UBA1: variants seen among roughly 807,000 people sequenced by gnomAD.
The protein encoded by UBA1 is ubiquitin like modifier activating enzyme 1, also known as ubiquitin-like modifier-activating enzyme 1.
Under a neutral mutation model 84.7 loss-of-function variants are expected in UBA1, and 4 were observed. The observed-to-expected ratio is 0.05, with a 90% CI of 0.02 to 0.11. The LOEUF (loss-of-function observed/expected upper bound fraction) is 0.11, where lower values mean the gene tolerates loss of function less well. Ranked by LOEUF, UBA1 falls within the 10% of genes least tolerant of loss-of-function variation. UBA1 has a pLI of 1.00. For synonymous variants in UBA1, 364 were observed against 362.6 expected, an observed-to-expected ratio of 1.00 and a Z score of -0.04; for missense variants, 513 against 902.8, an observed-to-expected ratio of 0.57 and a Z score of 5.53.
chrX:47,197,257 G>A, intron 1 of UBA1: 1 of 755,049 alleles, frequency 1.3e-6, no homozygotes, highest in African/African-American at 2.3e-5. Context: ...ATGCCTCTGG[G>A]CGAGTGAATG....
At position 47,213,042 on chromosome X, in the gene UBA1, C is replaced by G; in HGVS notation, c.2699C>G (p.Ala900Gly). 2 of 1,212,066 alleles carry G rather than the reference C, an allele frequency of 1.7e-6. No homozygotes were observed. The highest frequency in any genetic ancestry group is 2.2e-6 in the Non-Finnish European group (2 of 895,582). ...CCAGCCATTGCCACGACCACAGCAGCCGTGGTTGGCCTTGTGTGTCTGGAG... is the reference window on the plus strand; with the variant it reads ...CCAGCCATTGCCACGACCACAGCAGGCGTGGTTGGCCTTGTGTGTCTGGAG... Reference protein sequence around the residue: ...IIPAIATTTAAVVGLVCLELY... With the variant: ...IIPAIATTTAGVVGLVCLELY... Residue 900 changes from alanine (A) to glycine (G), a missense_variant, in exon 23 of 26, where the codon GCC becomes GGC. Physicochemically the swap from Ala to Gly is moderately conservative, Grantham distance 60. Around this residue, in one of 6 missense-constraint regions of UBA1, gnomAD observed 151 missense variants for 260.1 expected, o/e 0.58. Coordinates refer to ENST00000335972, the MANE Select transcript of UBA1 (RefSeq NM_003334.4).
Position 47,213,156 on chromosome X carries a change from A to G in UBA1, c.2813A>G (p.Glu938Gly), listed in dbSNP as rs782120956. ...GCCCTGCCTTTCTTTGGTTTCTCTG[A>G]ACCCCTTGCCGCACCACGTCACCAG... ...NLALPFFGFSEPLAAPRHQYY... is the reference protein window; with the variant it reads ...NLALPFFGFSGPLAAPRHQYY... Residue 938 changes from glutamate to glycine, a missense_variant, in exon 23 of 26, where the codon GAA becomes GGA. Coordinates refer to ENST00000335972, the MANE Select transcript of UBA1 (RefSeq NM_003334.4). The G allele has an allele frequency of 2.6e-5, 31 of 1,209,613 alleles. No individual in the cohort carries two copies. The highest frequency in any genetic ancestry group is 2.9e-5 in the Non-Finnish European group (26 of 895,225).
At chrX:47,209,761 A>G (rs1936845522) in intron 17 of UBA1, 74 bp downstream of exon 17, 1 of 1,125,100 alleles carries the variant, frequency 8.9e-7, no homozygotes, top group African/African-American at 1.8e-5. Flanking sequence ...TCCTCATGAC[A>G]GTAACACTTG....
In UBA1 at chrX:47,212,406, GT is replaced by G. The variant is rs1569217279; in HGVS notation, c.2465-17del. 8.6e-7 allele frequency: 1 copy of G among 1,161,271 alleles called. No individual in the cohort carries two copies. The highest frequency in any genetic ancestry group is 1.8e-5 in the South Asian group (1 of 55,631). The stretch of plus-strand genomic sequence containing the variant: ...GCCTGGGATCTAAAGGGCTGACAGT[GT>G]CCCTTTCTTCATGCAGATGACAGTC... On this transcript the variant is annotated splice_polypyrimidine_tract_variant and intron_variant, in intron 20 of 25. Coordinates refer to ENST00000335972, the MANE Select transcript of UBA1 (RefSeq NM_003334.4).
At chrX:47,201,206 A>C (rs1936405106) in intron 6 of UBA1, 70 bp from the exon 7 acceptor site, 11 of 1,001,179 alleles carry the variant, frequency 1.1e-5, no homozygotes, top group Non-Finnish European at 1.5e-5. Flanking sequence ...TTTTCACTAC[A>C]TCTTGAGGGA....
At chrX:47,202,016 T>A in intron 8 of UBA1, 140 bp from the exon 9 acceptor site, 1 of 553,604 alleles carries the variant, frequency 1.8e-6, no homozygotes, top group Non-Finnish European at 3.1e-6. Flanking sequence ...TGGTTTCTGA[T>A]GTCCAAGTGG....
At chrX:47,214,205 C>T in intron 23 of UBA1, 122 bp from the exon 24 acceptor site, 1 of 610,685 alleles carries the variant, frequency 1.6e-6, no homozygotes, top group Non-Finnish European at 2.8e-6. Flanking sequence ...AAGAGGATTT[C>T]GAACAAAAGA....
intron 13 of UBA1, 22 bp downstream of exon 13, chrX:47,203,236 C>T (rs1556789207): frequency 1.7e-6 from 2 of 1,202,205 alleles, no homozygotes; most frequent in African/African-American, 1.7e-5. Context: ...CCTTGGATGT[C>T]TGCTCCCCTC....
rs781945683 is a variant in UBA1 at position 47,211,092 on chromosome X, G to A, written c.2331G>A (p.Gly777=). The A allele has an allele frequency of 8.3e-7, 1 of 1,211,719 alleles. No individual in the cohort carries two copies. ...AAANLFAQTY[G]LTGSQDRAAV... Reference sequence around the variant, plus strand: ...CCAACCTGTTTGCCCAGACCTACGGGCTGACAGGCTCTCAGGACCGAGCTG... The same window carrying A: ...CCAACCTGTTTGCCCAGACCTACGGACTGACAGGCTCTCAGGACCGAGCTG... Residue 777 remains glycine, a synonymous_variant, in exon 20 of 26, where the codon GGG becomes GGA. Coordinates refer to ENST00000335972, the MANE Select transcript of UBA1 (RefSeq NM_003334.4).
intron 13 of UBA1, 118 bp downstream of exon 13, chrX:47,203,332 C>T: frequency 3.3e-6 from 3 of 915,390 alleles, no homozygotes; most frequent in Admixed American, 2.4e-5. Flanking sequence ...TTCTCCTTAT[C>T]TTGAAGGGAA....
At chrX:47,203,793 G>A in intron 14 of UBA1, 97 bp downstream of exon 14, 4 of 945,689 alleles carry the variant, frequency 4.2e-6, no homozygotes, top group Non-Finnish European at 5.8e-6. Flanking sequence ...TGTTGCCCAG[G>A]CTGTAGTGCA....
At position 47,214,878 on chromosome X, in the gene UBA1, C is replaced by T. The variant is rs782171722; in HGVS notation, c.3126C>T (p.Asp1042=). ...RALVLELCCN[D]ESGEDVEVPY... ...TGGTGCTTGAGCTGTGCTGTAACGA[C>T]GAGAGCGGCGAGGATGTCGAGGTTC... Residue 1042 remains aspartate, a synonymous_variant, in exon 26 of 26, where the codon GAC becomes GAT. Coordinates refer to ENST00000335972, the MANE Select transcript of UBA1 (RefSeq NM_003334.4). The T allele has an allele frequency of 1.9e-5, 23 of 1,210,156 alleles. No homozygotes were observed. In the South Asian group the frequency reaches 3.0e-4, roughly 16 times the overall value.
intron 18 of UBA1, among the ~76,000 whole-genome samples, 199 bp downstream of exon 18, chrX:47,210,322 G>A (rs1936867462): frequency 8.9e-6 from 1 of 111,855 alleles, no homozygotes; most frequent in African/African-American, 3.3e-5. Context: ...TATTGCCCTT[G>A]ACTGTGGTGT....
upstream of UBA1, among the ~76,000 whole-genome samples, chrX:47,192,036 A>T (rs1556784369): frequency 8.9e-6 from 1 of 112,194 alleles, no homozygotes; most frequent in Non-Finnish European, 1.9e-5. Flanking sequence ...TAACGATAAG[A>T]TTAGCTTACA....
In UBA1 at chrX:47,196,275, C is replaced by T. The variant is rs782209081; in HGVS notation, c.-1+2251C>T. Among the ~76,000 whole-genome samples, 7 of 111,104 alleles carry T rather than the reference C, an allele frequency of 6.3e-5. No homozygotes were observed. In the South Asian group the frequency reaches 2.3e-3, roughly 36 times the overall value. Reference sequence around the variant, plus strand: ...TCTTAGACACCCACTTCCTGATTCTCCTCTCACGTTCCCATGGACTTCTCA... The same window carrying T: ...TCTTAGACACCCACTTCCTGATTCTTCTCTCACGTTCCCATGGACTTCTCA... On this transcript the variant is annotated intron_variant, in intron 1 of 25. Transcript: ENST00000335972.
rs181504232 is a variant in UBA1, at chrX:47,209,144, C to T, written c.1939-479C>T. 2.5e-3 allele frequency: 675 copies of T among 267,244 alleles called. 5 individuals are homozygous for T. The highest frequency in any genetic ancestry group is 0.017 in the African/African-American group (633 of 36,397). 22.0% of individuals were successfully genotyped at this position (267,244 alleles called of 1,213,427 possible). A position where few individuals can be genotyped will look rare whatever the true frequency, so the allele number is the denominator to read the frequency against. ...TACACAGCACTATTGTAACCACTGC[C>T]CAAATCAACTTCATTGATTTTTCTT... On this transcript the variant is annotated intron_variant, in intron 16 of 25. Coordinates refer to ENST00000335972, the MANE Select transcript of UBA1 (RefSeq NM_003334.4).
intron 2 of UBA1, 49 bp downstream of exon 2, chrX:47,198,968 A>G (rs781820297): frequency 1.6e-5 from 19 of 1,202,427 alleles, no homozygotes; most frequent in African/African-American, 3.5e-5. Flanking sequence ...TGGGTGGGAA[A>G]GTCTTTTGTA....
chrX:47,197,829 G>A, intron 1 of UBA1: 4 of 508,486 alleles, frequency 7.9e-6, no homozygotes, highest in Non-Finnish European at 7.3e-6. Context: ...GTCACCGAAC[G>A]TCCCTGAGTG....
At chrX:47,198,188 A>G (rs1556786093) in intron 1 of UBA1, 2 of 975,613 alleles carry the variant, frequency 2.0e-6, no homozygotes, top group Admixed American at 6.2e-5. Flanking sequence ...TCCTGCCATC[A>G]TGCCACCCTG....
Sources: allele counts gnomAD v4.1 joint callset (sites outside exome capture counted in the v4.1 genomes callset), GRCh38; gene constraint gnomAD v4.1.1; regional missense constraint gnomAD v4.1.1; transcripts MANE v1.5; gene names NCBI Gene and HGNC (gene_info 2026-07-23, HGNC 2026-07-21).